FRMD4B: variants seen among roughly 807,000 people sequenced by gnomAD.
FRMD4B encodes the protein FERM domain containing 4B.
Under a neutral mutation model 141.5 loss-of-function variants are expected in FRMD4B, and 74 were observed. The observed-to-expected ratio is 0.52, with a 90% CI of 0.43 to 0.63. The LOEUF is 0.63. FRMD4B is among the 30% of genes least tolerant of loss of function. The pLI is 0.00. For missense variants in FRMD4B, 1,366 were observed against 1,253.4 expected (o/e 1.09, Z -1.36); for synonymous variants, 506 against 467.9 (o/e 1.08, Z -1.05).
chr3:69,397,705 G>T (rs1179493327), intron 2 of FRMD4B, among the ~76,000 whole-genome samples: 1 of 152,100 alleles, frequency 6.6e-6, no homozygotes, highest in Non-Finnish European at 1.5e-5. Context: ...GTTGCCTAGG[G>T]CTGAGGGAAT....
chr3:69,403,977 C>G (rs186900458), intron 2 of FRMD4B, among the ~76,000 whole-genome samples: 2 of 152,160 alleles, frequency 1.3e-5, no homozygotes, highest in African/African-American at 4.8e-5. Context: ...ATGCTCACAG[C>G]CTTGAATTCC....
intron 7 of FRMD4B, among the ~76,000 whole-genome samples, chr3:69,245,336 TGTGTGTG>T (rs1559748501): frequency 2.0e-5 from 3 of 149,580 alleles, no homozygotes; most frequent in Admixed American, 6.6e-5. Flanking sequence ...TGTGTGTGTG[TGTGTGTG>T]TGTGTGTGTG....
intron 10 of FRMD4B, among the ~76,000 whole-genome samples, chr3:69,216,601 T>A (rs1441163170): frequency 6.6e-6 from 1 of 151,792 alleles, no homozygotes; most frequent in Non-Finnish European, 1.5e-5. Flanking sequence ...TGGCTAATTT[T>A]TTTGTATTTT....
chr3:69,510,877 T>G (rs946159900), intron 1 of FRMD4B, among the ~76,000 whole-genome samples: 2 of 152,248 alleles, frequency 1.3e-5, no homozygotes, highest in African/African-American at 4.8e-5. Flanking sequence ...ACTTCCTCTC[T>G]GCCTAACTTC....
chr3:69,277,516 C>CTTTTTTT (rs55745266), intron 5 of FRMD4B, among the ~76,000 whole-genome samples: 1 of 60,436 alleles, frequency 1.7e-5, no homozygotes, highest in African/African-American at 7.2e-5. Flanking sequence ...TTTCTTTCTG[C>CTTTTTTT]TTTTTTTTTT....
intron 1 of FRMD4B, among the ~76,000 whole-genome samples, chr3:69,510,054 T>C (rs1479723560): frequency 6.6e-6 from 1 of 152,004 alleles, no homozygotes; most frequent in Non-Finnish European, 1.5e-5. Context: ...GGTCTGGAAC[T>C]GAACCTGCAG....
chr3:69,391,767 A>G (rs986518871), intron 2 of FRMD4B, among the ~76,000 whole-genome samples: 1 of 152,178 alleles, frequency 6.6e-6, no homozygotes, highest in Non-Finnish European at 1.5e-5. Context: ...TGTGACGTGG[A>G]AGCAAGGCTG....
chr3:69,289,667 C>T (rs905775940), intron 4 of FRMD4B, among the ~76,000 whole-genome samples: 3 of 151,996 alleles, frequency 2.0e-5, no homozygotes, highest in Non-Finnish European at 2.9e-5. Context: ...TGGTGGCGGG[C>T]GGGCACCTGT....
At chr3:69,285,655 C>T (rs1700657503) in intron 5 of FRMD4B, among the ~76,000 whole-genome samples, 1 of 151,986 alleles carries the variant, frequency 6.6e-6, no homozygotes, top group Non-Finnish European at 1.5e-5. Flanking sequence ...ACCAGCCTGG[C>T]CAATATGGCG....
In FRMD4B at chr3:69,468,060, C is replaced by T. The variant is rs115091976; in HGVS notation, c.-128-35299G>A. On this transcript the variant is annotated intron_variant, in intron 1 of 5. Coordinates refer to the FRMD4B transcript ENST00000459638. ...GAGTTTTTGACAAAGAGCAAATGTGCAATAAATGTTAGCTATCACTTGAAA... is the reference window on the plus strand; with the variant it reads ...GAGTTTTTGACAAAGAGCAAATGTGTAATAAATGTTAGCTATCACTTGAAA... 3.0e-3 allele frequency among the ~76,000 whole-genome samples: 456 copies of T among 152,320 alleles called. 4 individuals are homozygous for T. Among genetic ancestry groups the T allele is most frequent in the African/African-American group, 0.011 (440 of 41,570 alleles).
chr3:69,471,012 C>T (rs1200809514), intron 1 of FRMD4B, among the ~76,000 whole-genome samples: 1 of 152,164 alleles, frequency 6.6e-6, no homozygotes, highest in Non-Finnish European at 1.5e-5. Context: ...TTTGCCAACA[C>T]TCTAATTCTA....
chr3:69,451,067 G>T (rs1435985696), intron 1 of FRMD4B, among the ~76,000 whole-genome samples: 1 of 152,122 alleles, frequency 6.6e-6, no homozygotes, highest in East Asian at 1.9e-4. Context: ...AAAGAATGTG[G>T]CTCCCTCCTT....
chr3:69,378,657 C>G (rs114284992), intron 1 of FRMD4B, among the ~76,000 whole-genome samples: 3 of 152,166 alleles, frequency 2.0e-5, no homozygotes, highest in South Asian at 2.1e-4. Context: ...ATCCGCCTCA[C>G]GGCTGCCAGT....
intron 1 of FRMD4B, among the ~76,000 whole-genome samples, chr3:69,362,678 A>AAAC (rs1291638828): frequency 1.4e-5 from 2 of 147,648 alleles, no homozygotes; most frequent in African/African-American, 5.1e-5. Flanking sequence ...CTCCATCTCA[A>AAAC]AACAACAACA....
chr3:69,228,253 C>G (rs2093273133), intron 7 of FRMD4B: 1 of 439,426 alleles, frequency 2.3e-6, no homozygotes, highest in Non-Finnish European at 4.6e-6. Flanking sequence ...CCTGAAAATT[C>G]TACACTAATA....
rs1240324130 is a variant in FRMD4B, at chr3:69,250,040, T to C, written c.558+3A>G. ...TGCTAAGAGGCAGTTTGTCCAATCT[T>C]ACCTGTAAAATAAACGCTGCTAACT... On this transcript the variant is annotated splice_donor_region_variant and intron_variant, in intron 6 of 22. Transcript: ENST00000398540. 1.3e-6 allele frequency: 2 copies of C among 1,598,804 alleles called. No homozygotes were observed. The highest frequency in any genetic ancestry group is 1.7e-5 in the Admixed American group (1 of 60,012).
intron 2 of FRMD4B, among the ~76,000 whole-genome samples, chr3:69,312,622 G>T (rs1486381347): frequency 6.6e-6 from 1 of 152,232 alleles, no homozygotes; most frequent in Non-Finnish European, 1.5e-5. Context: ...CGCTTGGCTG[G>T]GCGCAGAGGC....
intron 1 of FRMD4B, among the ~76,000 whole-genome samples, chr3:69,475,813 T>G (rs1459792738): frequency 3.3e-5 from 5 of 151,780 alleles, no homozygotes; most frequent in East Asian, 1.9e-4. Flanking sequence ...CTAGTTTACA[T>G]TCCCACCAAC....
At chr3:69,332,761 T>A (rs1236403015) in intron 1 of FRMD4B, among the ~76,000 whole-genome samples, 2 of 142,072 alleles carry the variant, frequency 1.4e-5, no homozygotes, top group Admixed American at 7.0e-5. Context: ...TTTTTTTTTT[T>A]TTTTTTTGTA....
Sources: gnomAD v4.1 joint callset for allele counts (sites outside exome capture counted in the v4.1 genomes callset) on GRCh38, gnomAD v4.1.1 for gene constraint, MANE v1.5 for transcripts, NCBI Gene and HGNC (gene_info 2026-07-23, HGNC 2026-07-21) for gene names.